Variants in CFAP54 observed in about 807,000 individuals in gnomAD.
CFAP54 encodes the protein cilia- and flagella-associated protein 54.
CFAP54 carries 290 observed loss-of-function variants against 370.4 expected under a neutral mutation model. The observed-to-expected ratio is 0.78, with a 90% CI of 0.71 to 0.86. The LOEUF is 0.86. Among genes scored for constraint, CFAP54 ranks in the 40% least tolerant of loss-of-function variants. The probability of loss-of-function intolerance (pLI) is 0.00; values close to 1 mark genes in which losing one functional copy is unlikely to be tolerated. For synonymous variants in CFAP54, 1,206 were observed against 1,236.5 expected (o/e 0.98, Z 0.52); for missense variants, 3,399 against 3,528.7 (o/e 0.96, Z 0.93).
At chr12:96,781,258 G>A (rs1958577394) in intron 60 of CFAP54, among the ~76,000 whole-genome samples, 1 of 152,212 alleles carries the variant, frequency 6.6e-6, no homozygotes, top group Non-Finnish European at 1.5e-5. Flanking sequence ...CAACAAGGAA[G>A]AAAAGACATT....
intron 50 of CFAP54, among the ~76,000 whole-genome samples, chr12:96,735,614 A>G (rs1005501292): frequency 6.6e-6 from 1 of 152,232 alleles, no homozygotes; most frequent in Non-Finnish European, 1.5e-5. Context: ...AATTCCTGAA[A>G]AAGGTGATAG....
chr12:96,641,009 G>A (rs1956721697), intron 32 of CFAP54, among the ~76,000 whole-genome samples: 1 of 152,042 alleles, frequency 6.6e-6, no homozygotes, highest in Non-Finnish European at 1.5e-5. Context: ...TCAGGACATA[G>A]GCATGGGCAA....
intron 44 of CFAP54, among the ~76,000 whole-genome samples, chr12:96,691,820 C>T (rs573707348): frequency 6.6e-6 from 1 of 151,990 alleles, no homozygotes; most frequent in East Asian, 1.9e-4. Context: ...CCAAGTACAG[C>T]TCTCCTCTCC....
chr12:96,608,459 CTTTT>C (rs5800258), intron 26 of CFAP54, among the ~76,000 whole-genome samples: 4 of 106,998 alleles, frequency 3.7e-5, no homozygotes. Context: ...CATAGTAGGA[CTTTT>C]TTTTTTTTTT....
intron 8 of CFAP54, among the ~76,000 whole-genome samples, chr12:96,522,941 G>GATC (rs1955336739): frequency 6.6e-6 from 1 of 152,198 alleles, no homozygotes; most frequent in Non-Finnish European, 1.5e-5. Flanking sequence ...TAGTAAAGAT[G>GATC]ATCACAGGGC....
chr12:96,731,446 T>C (rs1032327603), intron 50 of CFAP54, among the ~76,000 whole-genome samples: 7 of 152,224 alleles, frequency 4.6e-5, no homozygotes, highest in African/African-American at 1.7e-4. Context: ...TGAAAAACAA[T>C]GGACAAACTA....
At chr12:96,866,819 T>C (rs1435929242) in intron 67 of CFAP54, among the ~76,000 whole-genome samples, 1 of 152,174 alleles carries the variant, frequency 6.6e-6, no homozygotes, top group Non-Finnish European at 1.5e-5. Context: ...TTTAACTACA[T>C]TTTCTATAGC....
chr12:96,806,159 AATATATATATAT>A (rs548500750), intron 63 of CFAP54, among the ~76,000 whole-genome samples: 384 of 27,844 alleles, frequency 0.014, 7 homozygotes, highest in Non-Finnish European at 0.018. Flanking sequence ...TCACTAGCCA[AATATATATATAT>A]ATATATATAT....
At chr12:96,504,980 T>TCC (rs1565877514) in intron 3 of CFAP54, among the ~76,000 whole-genome samples, 2 of 148,572 alleles carry the variant, frequency 1.3e-5, no homozygotes, top group African/African-American at 4.9e-5. Flanking sequence ...TCTTTCCCTT[T>TCC]CTTTCTTCTT....
chr12:96,685,374 C>A, intron 42 of CFAP54, 136 bp downstream of exon 42: 1 of 675,502 alleles, frequency 1.5e-6, no homozygotes. Context: ...CAGGGCCTTA[C>A]AGTTTATTTA....
intron 62 of CFAP54, among the ~76,000 whole-genome samples, chr12:96,791,186 T>TC (rs1440540318): frequency 6.8e-6 from 1 of 146,616 alleles, no homozygotes; most frequent in African/African-American, 2.5e-5. Context: ...GAAGAACGCT[T>TC]TTTTTTTTTT....
At chr12:96,663,997 A>G in intron 39 of CFAP54, 65 bp downstream of exon 39, 4 of 1,138,438 alleles carry the variant, frequency 3.5e-6, no homozygotes, top group Middle Eastern at 2.0e-4. Context: ...TGTGTTCTGC[A>G]TGTCAAACCT....
intron 8 of CFAP54, 36 bp from the exon 9 acceptor site, chr12:96,527,210 A>G: frequency 6.8e-7 from 1 of 1,479,454 alleles, no homozygotes; most frequent in Non-Finnish European, 9.0e-7. Context: ...AATAGCTTTA[A>G]CAAATGGACT....
At chr12:96,726,784 A>G (rs1411173155) in intron 50 of CFAP54, among the ~76,000 whole-genome samples, 1 of 151,684 alleles carries the variant, frequency 6.6e-6, no homozygotes, top group African/African-American at 2.4e-5. Flanking sequence ...TCAATTTTGG[A>G]TCTTTCCTGC....
chr12:96,655,930 T>C (rs1242287430), intron 36 of CFAP54, among the ~76,000 whole-genome samples: 1 of 152,146 alleles, frequency 6.6e-6, no homozygotes, highest in African/African-American at 2.4e-5. Flanking sequence ...TAATTTTTAC[T>C]TTTTAGAGAT....
intron 66 of CFAP54, among the ~76,000 whole-genome samples, chr12:96,840,963 C>T (rs1166760502): frequency 6.6e-6 from 1 of 152,182 alleles, no homozygotes; most frequent in Non-Finnish European, 1.5e-5. Flanking sequence ...AAAGGCTAAG[C>T]TGTTTATAGC....
intron 50 of CFAP54, among the ~76,000 whole-genome samples, chr12:96,737,978 T>C (rs1333755466): frequency 1.3e-5 from 2 of 152,098 alleles, no homozygotes; most frequent in Non-Finnish European, 2.9e-5. Context: ...CCCTGGAACG[T>C]GTAAATCTGA....
chr12:96,758,018 T>C (rs34482), intron 58 of CFAP54, among the ~76,000 whole-genome samples: 21,287 of 152,202 alleles, frequency 0.14, 1,918 homozygotes, highest in Middle Eastern at 0.28. Flanking sequence ...TACCTCTTGA[T>C]AGAATCATTC....
At chr12:96,802,103 C>T (rs1958825942) in intron 63 of CFAP54, among the ~76,000 whole-genome samples, 1 of 151,996 alleles carries the variant, frequency 6.6e-6, no homozygotes, top group Non-Finnish European at 1.5e-5. Flanking sequence ...AACTTCAGAA[C>T]GAGTTTGAGT....
Sources: allele counts gnomAD v4.1 joint callset (sites outside exome capture counted in the v4.1 genomes callset), GRCh38; gene constraint gnomAD v4.1.1; transcripts MANE v1.5; gene names NCBI Gene and HGNC (gene_info 2026-07-23, HGNC 2026-07-21).